SUDS3: variants seen among roughly 807,000 people sequenced by gnomAD.
SUDS3 encodes SIN3A corepressor complex component SDS3, also known as sin3 histone deacetylase corepressor complex component SDS3.
In SUDS3, 23 loss-of-function variants were observed where a neutral mutation model predicts 53.5. The observed-to-expected ratio is 0.43, with a 90% CI of 0.31 to 0.61. SUDS3 has a LOEUF of 0.61. SUDS3 is among the 20% of genes least tolerant of loss of function. The pLI is 0.10. For missense variants in SUDS3, 291 were observed against 405.9 expected (o/e 0.72, Z 2.43); for synonymous variants, 150 against 148.5 (o/e 1.01, Z -0.08).
At chr12:118,414,225 G>A (rs1566213264) in intron 11 of SUDS3, 110 bp from the exon 12 acceptor site, 1 of 791,272 alleles carries the variant, frequency 1.3e-6, no homozygotes, top group African/African-American at 1.8e-5. Flanking sequence ...TCCAGCAAGA[G>A]GCTACCAGCC....
intron 1 of SUDS3, among the ~76,000 whole-genome samples, chr12:118,377,236 A>G (rs573933267): frequency 2.0e-5 from 3 of 152,026 alleles, no homozygotes; most frequent in Non-Finnish European, 2.9e-5. Context: ...CCCGAAATGC[A>G]TAAGTCATCT....
intron 4 of SUDS3, among the ~76,000 whole-genome samples, chr12:118,386,549 G>GT (rs909801977): frequency 1.7e-3 from 245 of 146,314 alleles, no homozygotes; most frequent in East Asian, 7.3e-3. Flanking sequence ...CCCATTTTAA[G>GT]TTTTTTTTTT....
intron 10 of SUDS3, among the ~76,000 whole-genome samples, chr12:118,407,377 T>A (rs1036575864): frequency 1.3e-5 from 2 of 152,150 alleles, no homozygotes; most frequent in Non-Finnish European, 2.9e-5. Flanking sequence ...TTGGGAAGCA[T>A]GTTGGCCACC....
chr12:118,407,346 T>C (rs1173339833), intron 10 of SUDS3, among the ~76,000 whole-genome samples: 4 of 152,152 alleles, frequency 2.6e-5, no homozygotes, highest in African/African-American at 9.7e-5. Context: ...TGGTGATCAG[T>C]TGGTTTGGAA....
chr12:118,376,863 G>T, intron 1 of SUDS3, 30 bp downstream of exon 1: 1 of 1,503,732 alleles, frequency 6.7e-7, no homozygotes, highest in South Asian at 1.2e-5. Context: ...CGGCCGCCCG[G>T]AGCGGAGGTG....
intron 6 of SUDS3, among the ~76,000 whole-genome samples, chr12:118,398,631 T>TC (rs1397347197): frequency 1.3e-5 from 2 of 151,028 alleles, no homozygotes; most frequent in African/African-American, 2.4e-5. Flanking sequence ...TTTTTTTTTT[T>TC]TTCAAATTTT....
chr12:118,408,335 GTT>G (rs1007287804), intron 10 of SUDS3, among the ~76,000 whole-genome samples: 8 of 130,080 alleles, frequency 6.2e-5, no homozygotes, highest in African/African-American at 8.4e-5. Context: ...TACCTGGCCA[GTT>G]TTTTTTTTTT....
chr12:118,399,545 G>A (rs1566205154), intron 6 of SUDS3, among the ~76,000 whole-genome samples: 1 of 152,074 alleles, frequency 6.6e-6, no homozygotes, highest in Admixed American at 6.6e-5. Flanking sequence ...TACACAAAAC[G>A]ATCTGATTTG....
Position 118,391,195 on chromosome 12 carries a change from G to T in SUDS3, c.430G>T (p.Val144Phe). ...AAVKEFEDKK[V>F]ELKENLIAEL... is the part of the protein sequence containing the mutation. ...AGTGAAAGAATTTGAAGACAAGAAG[G>T]TTGAGCTGAAAGAGAACCTGATTGC... The change falls in exon 6 of 12, where the codon GTT becomes TTT. Residue 144 changes from valine (V) to phenylalanine (F), a missense_variant. Val to Phe is a conservative substitution (Grantham distance 50, BLOSUM62 -1). Transcript: ENST00000543473. The T allele has an allele frequency of 6.2e-7, 1 of 1,613,738 alleles. No individual in the cohort carries two copies. The highest frequency in any genetic ancestry group is 8.5e-7 in the Non-Finnish European group (1 of 1,179,842).
chr12:118,411,245 A>G, intron 11 of SUDS3, 88 bp downstream of exon 11: 1 of 1,190,536 alleles, frequency 8.4e-7, no homozygotes, highest in East Asian at 2.6e-5. Flanking sequence ...AGTGCCACCA[A>G]GGAAGTACAG....
intron 5 of SUDS3, 154 bp from the exon 6 acceptor site, chr12:118,390,972 G>C (rs140614468): frequency 1.2e-6 from 1 of 861,528 alleles, no homozygotes; most frequent in Non-Finnish European, 1.9e-6. Context: ...TTATACCCTC[G>C]CTGGAAAGCT....
At chr12:118,389,269 TCTTC>T (rs2046143367) in intron 4 of SUDS3, among the ~76,000 whole-genome samples, 1 of 151,928 alleles carries the variant, frequency 6.6e-6, no homozygotes, top group African/African-American at 2.4e-5. Context: ...GGGAGAATTG[TCTTC>T]CACCGAACTG....
At chr12:118,400,518 C>G in intron 6 of SUDS3, 141 bp from the exon 7 acceptor site, 1 of 732,142 alleles carries the variant, frequency 1.4e-6, no homozygotes. Flanking sequence ...GGGTGTCTGG[C>G]TACGACCATG....
At chr12:118,387,819 G>A (rs2046128996) in intron 4 of SUDS3, among the ~76,000 whole-genome samples, 1 of 152,170 alleles carries the variant, frequency 6.6e-6, no homozygotes, top group Admixed American at 6.5e-5. Context: ...GCCTCCCAAA[G>A]TGCTGGGGTT....
intron 6 of SUDS3, among the ~76,000 whole-genome samples, chr12:118,398,933 A>T (rs1335819148): frequency 6.6e-6 from 1 of 152,064 alleles, no homozygotes; most frequent in Non-Finnish European, 1.5e-5. Context: ...TACTTGGAGG[A>T]TGGAATGAGT....
chr12:118,400,566 G>A, intron 6 of SUDS3, 93 bp from the exon 7 acceptor site: 5 of 1,166,304 alleles, frequency 4.3e-6, no homozygotes, highest in South Asian at 2.5e-5. Flanking sequence ...GTTCTGATTG[G>A]GTGGCTGGGG....
intron 6 of SUDS3, among the ~76,000 whole-genome samples, chr12:118,399,359 C>T (rs563900080): frequency 3.3e-5 from 5 of 152,058 alleles, no homozygotes; most frequent in African/African-American, 9.6e-5. Context: ...AAAAATTAGC[C>T]GGGTGTGGTG....
rs74835389 is a variant in SUDS3, at chr12:118,399,662, G to A, written c.518-997G>A. 8.1e-3 allele frequency among the ~76,000 whole-genome samples: 1,229 copies of A among 152,266 alleles called. 15 individuals carry two copies. The highest frequency in any genetic ancestry group is 0.011 in the Non-Finnish European group (738 of 68,020). On this transcript the variant is annotated intron_variant, in intron 6 of 11. Coordinates refer to ENST00000543473, the MANE Select transcript of SUDS3 (RefSeq NM_022491.3). ...GAAAGGATGAAGGGATGGAGTGGAGGCAGGACCAACATTAGTTGGTGAACC... is the reference window on the plus strand; with the variant it reads ...GAAAGGATGAAGGGATGGAGTGGAGACAGGACCAACATTAGTTGGTGAACC...
intron 2 of SUDS3, among the ~76,000 whole-genome samples, chr12:118,383,317 T>C (rs2046084553): frequency 6.6e-6 from 1 of 152,222 alleles, no homozygotes; most frequent in Non-Finnish European, 1.5e-5. Flanking sequence ...CTTGCTGAAA[T>C]GTGATTTATA....
Sources: gnomAD v4.1 joint callset for allele counts (sites outside exome capture counted in the v4.1 genomes callset) on GRCh38, gnomAD v4.1.1 for gene constraint, MANE v1.5 for transcripts, NCBI Gene and HGNC (gene_info 2026-07-23, HGNC 2026-07-21) for gene names.